The following MYH1 variants were observed in gnomAD, a reference collection of about 807,000 sequenced individuals.
The protein encoded by MYH1 is myosin-1.
In MYH1, 214 loss-of-function variants were observed where a neutral mutation model predicts 225.6. The ratio of observed to expected loss-of-function variants is 0.95; its 90% confidence interval spans 0.85 to 1.06. The LOEUF (loss-of-function observed/expected upper bound fraction) is 1.06. MYH1 is among the 50% of genes least tolerant of loss of function. MYH1 has a pLI of 0.00. For synonymous variants in MYH1, 774 were observed against 842.3 expected (o/e 0.92, Z 1.40); for missense variants, 2,098 against 2,344.2 (o/e 0.89, Z 2.17).
chr17:10,514,827 A>T lies in MYH1; in HGVS notation c.533+41T>A. 4 of 1,585,388 alleles carry T rather than the reference A, an allele frequency of 2.5e-6. 1 individual carries two copies. In the South Asian group the frequency reaches 4.5e-5, roughly 18 times the overall value. The stretch of plus-strand genomic sequence containing the variant: ...TTTTTTGGTTTGTCATTTTTCCAGT[A>T]AGAACAAACTGCCAATAAATCTCAG... On this transcript the variant is annotated intron_variant, in intron 6 of 39. Coordinates refer to ENST00000226207, the MANE Select transcript of MYH1 (RefSeq NM_005963.4).
Position 10,513,867 on chromosome 17 carries a change from G to T in MYH1, c.695C>A (p.Ala232Asp), listed in dbSNP as rs778512147. The change falls in exon 8 of 40, where the codon GCC (alanine) becomes GAC (aspartate). Residue 232 changes from alanine to aspartate, a missense_variant. By Grantham distance (126) the Ala-to-Asp change is moderately radical. Coordinates refer to ENST00000226207, the MANE Select transcript of MYH1 (RefSeq NM_005963.4). ...QIISANPLLE[A>D]FGNAKTVRND... ...CCTCACGGTCTTGGCGTTGCCAAAG[G>T]CCTCCAGTAGGGGGTTGGCACTGAT... The T allele has an allele frequency of 6.2e-7, 1 of 1,614,048 alleles. No homozygotes were observed. Among genetic ancestry groups the T allele is most frequent in the Non-Finnish European group, 8.5e-7 (1 of 1,180,014 alleles).
rs778877740 is a variant in MYH1, at chr17:10,492,421, C to T, written c.5815G>A (p.Glu1939Lys). The change falls in exon 40 of 40, where the codon GAG (glutamate) becomes AAG (lysine). Residue 1939 changes from glutamate to lysine, a missense_variant. By Grantham distance (56) the Glu-to-Lys change is moderately conservative. Transcript: ENST00000226207. ...REVHTKIISE[E>K] is the part of the protein sequence containing the mutation. Reference sequence around the variant, plus strand: ...CCTTTCAGCAGTTAGATAAATTACTCTTCACTTATGATTTTTGTGTGAACC... The same window carrying T: ...CCTTTCAGCAGTTAGATAAATTACTTTTCACTTATGATTTTTGTGTGAACC... 3.7e-6 allele frequency: 6 copies of T among 1,613,730 alleles called. No homozygotes were observed. Among genetic ancestry groups the T allele is most frequent in the Non-Finnish European group, 5.1e-6 (6 of 1,179,926 alleles).
rs944731574 is a variant in MYH1, at chr17:10,502,728, T to A, written c.3111+10A>T. ...TTTAAAAAATCATTTTTATATAATG[T>A]TAGGCTTACATCATCCACTTGTTGT... On this transcript the variant is annotated intron_variant, in intron 24 of 39. Transcript: ENST00000226207. 4 of 1,614,210 alleles carry A rather than the reference T, an allele frequency of 2.5e-6. No homozygotes were observed. Among genetic ancestry groups the A allele is most frequent in the Non-Finnish European group, 3.4e-6 (4 of 1,180,038 alleles).
At position 10,495,946 on chromosome 17, in the gene MYH1, G is replaced by C; in HGVS notation, c.5169+4C>G. 6.2e-7 allele frequency: 1 copy of C among 1,613,910 alleles called. No homozygotes were observed. Among genetic ancestry groups the C allele is most frequent in the Non-Finnish European group, 8.5e-7 (1 of 1,179,954 alleles). The stretch of plus-strand genomic sequence containing the variant: ...ATTTGTTGCTATTCTATTATTACAT[G>C]CACCTGGGTGTGCAGGAGCTGAACA... On this transcript the variant is annotated splice_donor_region_variant and intron_variant, in intron 35 of 39. Transcript: ENST00000226207.
In MYH1 at chr17:10,497,842, C is replaced by A. The variant is rs375444175; in HGVS notation, c.4257G>T (p.Glu1419Asp). 1.9e-6 allele frequency: 3 copies of A among 1,613,934 alleles called. No homozygotes were observed. Among genetic ancestry groups the A allele is most frequent in the African/African-American group, 1.3e-5 (1 of 74,922 alleles). Reference sequence around the variant, plus strand: ...CATTCTGGAGCCTCTGCTTCGTCTTCTCAAGGGAAGCACATTTGGCATTCA... The same window carrying A: ...CATTCTGGAGCCTCTGCTTCGTCTTATCAAGGGAAGCACATTTGGCATTCA... ...EAVNAKCASLEKTKQRLQNEV... is the reference protein window; with the variant it reads ...EAVNAKCASLDKTKQRLQNEV... Residue 1419 changes from glutamate (E) to aspartate (D), a missense_variant, in exon 31 of 40, where the codon GAG becomes GAT. By Grantham distance (45) the Glu-to-Asp change is conservative. Coordinates refer to ENST00000226207, the MANE Select transcript of MYH1 (RefSeq NM_005963.4).
At chr17:10,508,754 C>G in intron 15 of MYH1, 82 bp from the exon 16 acceptor site, 1 of 1,520,284 alleles carries the variant, frequency 6.6e-7, no homozygotes, top group East Asian at 2.3e-5. Flanking sequence ...ATTATCCCAT[C>G]TGAGTAAATT....
Position 10,505,169 on chromosome 17 carries a change from T to C in MYH1, c.2429A>G (p.Glu810Gly). ...LARVEYQKMV[E>G]RRESIFCIQY... is the part of the protein sequence containing the mutation. ...AAAGAATTCTTATTAATACCTTCTTTCCACCATTTTCTGGTACTCCACTCT... is the reference window on the plus strand; with the variant it reads ...AAAGAATTCTTATTAATACCTTCTTCCCACCATTTTCTGGTACTCCACTCT... Residue 810 changes from glutamate to glycine, a missense_variant, in exon 21 of 40, where the codon GAA becomes GGA. Physicochemically the swap from Glu to Gly is moderately conservative, Grantham distance 98. Coordinates refer to ENST00000226207, the MANE Select transcript of MYH1 (RefSeq NM_005963.4). 3 of 1,614,132 alleles carry C rather than the reference T, an allele frequency of 1.9e-6. No homozygotes were observed. The highest frequency in any genetic ancestry group is 2.5e-6 in the Non-Finnish European group (3 of 1,180,020).
chr17:10,507,989 C>A, intron 16 of MYH1, 33 bp from the exon 17 acceptor site: 3 of 1,533,992 alleles, frequency 2.0e-6, no homozygotes, highest in Non-Finnish European at 2.7e-6. Context: ...CATAGGACAG[C>A]CTTTCTCTGG....
At chr17:10,507,791 G>A in intron 17 of MYH1, 95 bp downstream of exon 17, 1 of 1,042,616 alleles carries the variant, frequency 9.6e-7, no homozygotes, top group South Asian at 1.3e-5. Context: ...AGTCACATCA[G>A]TTCTAGAATC....
chr17:10,503,197 T>C lies in MYH1; in HGVS notation c.2743A>G (p.Thr915Ala), dbSNP rs1353257321. ...AEERCDQLIKTKIQLEAKIKE... is the reference protein window; with the variant it reads ...AEERCDQLIKAKIQLEAKIKE... ...ATTTTGGCTTCTAGCTGGATTTTGG[T>C]TTTGATTAGCTGGTCACACCTTTCC... Residue 915 changes from threonine to alanine, a missense_variant, in exon 23 of 40, where the codon ACC becomes GCC. Physicochemically the swap from Thr to Ala is moderately conservative, Grantham distance 58 (BLOSUM62 0). Transcript: ENST00000226207. 6.2e-7 allele frequency: 1 copy of C among 1,614,022 alleles called. No homozygotes were observed. The highest frequency in any genetic ancestry group is 8.5e-7 in the Non-Finnish European group (1 of 1,180,032).
At position 10,505,943 on chromosome 17, in the gene MYH1, T is replaced by A. The variant is rs747427881; in HGVS notation, c.2057-14A>T. Reference sequence around the variant, plus strand: ...GCTCCATGGCACCTAAAAGAATGAATCCACATGCCATACTTCGTGGTCTAT... The same window carrying A: ...GCTCCATGGCACCTAAAAGAATGAAACCACATGCCATACTTCGTGGTCTAT... On this transcript the variant is annotated splice_polypyrimidine_tract_variant and intron_variant, in intron 18 of 39. Transcript: ENST00000226207. 1.9e-6 allele frequency: 3 copies of A among 1,614,082 alleles called. No individual in the cohort carries two copies. Among genetic ancestry groups the A allele is most frequent in the Non-Finnish European group, 2.5e-6 (3 of 1,180,014 alleles).
Position 10,512,193 on chromosome 17 carries a change from C to G in MYH1, c.1148-1G>C. 1 of 1,612,748 alleles carries G rather than the reference C, an allele frequency of 6.2e-7. No individual in the cohort carries two copies. The highest frequency in any genetic ancestry group is 8.5e-7 in the Non-Finnish European group (1 of 1,178,778). ...TGGAGATAGGCTGCCTTGTCAGCAA[C>G]TGCAGAAACATAATTCAGATACCTA... On this transcript the variant is annotated splice_acceptor_variant, in intron 12 of 39. Coordinates refer to ENST00000226207, the MANE Select transcript of MYH1 (RefSeq NM_005963.4). LOFTEE classifies it high-confidence loss of function.
At chr17:10,513,603 A>C in intron 9 of MYH1, 23 bp downstream of exon 9, 1 of 1,609,012 alleles carries the variant, frequency 6.2e-7, no homozygotes, top group African/African-American at 1.3e-5. Context: ...CTTGGATTCT[A>C]TTTAGGAGGT....
Position 10,496,300 on chromosome 17 carries a change from C to T in MYH1, c.4906G>A (p.Ala1636Thr), listed in dbSNP as rs1329623062. 6.2e-7 allele frequency: 1 copy of T among 1,614,102 alleles called. No homozygotes were observed. Among genetic ancestry groups the T allele is most frequent in the Non-Finnish European group, 8.5e-7 (1 of 1,180,026 alleles). ...AGGGCCTCAGCAGCCATGCGGTTGG[C>T]ATGGTTCAGCTGGATTTCCATTTCA... ...LNEMEIQLNH[A>T]NRMAAEALRN... Residue 1636 changes from alanine (A) to threonine (T), a missense_variant, in exon 34 of 40, where the codon GCC becomes ACC. Physicochemically the swap from Ala to Thr is moderately conservative, Grantham distance 58. Coordinates refer to ENST00000226207, the MANE Select transcript of MYH1 (RefSeq NM_005963.4).
At chr17:10,507,451 T>G (rs1230866923) in intron 17 of MYH1, among the ~76,000 whole-genome samples, 1 of 152,184 alleles carries the variant, frequency 6.6e-6, no homozygotes, top group Non-Finnish European at 1.5e-5. Context: ...CACTGTTCTA[T>G]CTTATAGCTT....
In MYH1 at chr17:10,497,430, T is replaced by A; in HGVS notation, c.4388A>T (p.Lys1463Met). 6.2e-7 allele frequency: 1 copy of A among 1,607,612 alleles called. No individual in the cohort carries two copies. Among genetic ancestry groups the A allele is most frequent in the South Asian group, 1.1e-5 (1 of 89,062 alleles). The change falls in exon 32 of 40, where the codon AAG becomes ATG. Residue 1463 changes from lysine (K) to methionine (M), a missense_variant. By Grantham distance (95) the Lys-to-Met change is moderately conservative (BLOSUM62 -1). Coordinates refer to ENST00000226207, the MANE Select transcript of MYH1 (RefSeq NM_005963.4). ...AAGTTCAGCATGAGTTTCTTCACAC[T>A]TCTGTTTCCATTCTGCCAGGATCTG... is the stretch of plus-strand genomic sequence containing the variant. The part of the protein sequence containing the change: ...FDKILAEWKQ[K>M]CEETHAELEA...
In MYH1 at chr17:10,516,659, T is replaced by A; in HGVS notation, c.-17A>T. The A allele has an allele frequency of 6.2e-7, 1 of 1,614,046 alleles. No homozygotes were observed. The highest frequency in any genetic ancestry group is 8.5e-7 in the Non-Finnish European group (1 of 1,179,924). ...GGAACTCATGGCTGCAGGTTATTGATGGTAGCCCAGTTAAGGACCCTGGCT... is the reference window on the plus strand; with the variant it reads ...GGAACTCATGGCTGCAGGTTATTGAAGGTAGCCCAGTTAAGGACCCTGGCT... On this transcript the variant is annotated 5_prime_UTR_variant, in exon 3 of 40. Transcript: ENST00000226207.
At position 10,497,853 on chromosome 17, in the gene MYH1, C is replaced by A. The variant is rs762192889; in HGVS notation, c.4246G>T (p.Ala1416Ser). 1.2e-6 allele frequency: 2 copies of A among 1,613,712 alleles called. No homozygotes were observed. Among genetic ancestry groups the A allele is most frequent in the Admixed American group, 1.7e-5 (1 of 59,880 alleles). ...EHVEAVNAKC[A>S]SLEKTKQRLQ... ...CTCTGCTTCGTCTTCTCAAGGGAAG[C>A]ACATTTGGCATTCACAGCTTCTACA... Residue 1416 changes from alanine to serine, a missense_variant, in exon 31 of 40, where the codon GCT becomes TCT. Coordinates refer to ENST00000226207, the MANE Select transcript of MYH1 (RefSeq NM_005963.4).
intron 28 of MYH1, among the ~76,000 whole-genome samples, chr17:10,499,784 T>A (rs1166343198): frequency 6.6e-6 from 1 of 152,208 alleles, no homozygotes; most frequent in Admixed American, 6.5e-5. Flanking sequence ...TTATAATAAA[T>A]ATTTATTCTG....
Sources: allele counts gnomAD v4.1 joint callset (sites outside exome capture counted in the v4.1 genomes callset), GRCh38; gene constraint gnomAD v4.1.1; transcripts MANE v1.5; gene names NCBI Gene and HGNC (gene_info 2026-07-23, HGNC 2026-07-21).